The following NPIPB8 variants were observed in gnomAD, a reference collection of about 807,000 sequenced individuals.
The protein encoded by NPIPB8 is nuclear pore complex interacting protein family member B8, also known as nuclear pore complex-interacting protein family member B8.
Under a neutral mutation model 5.3 loss-of-function variants are expected in NPIPB8, and 3 were observed. The observed-to-expected ratio is 0.57, with a 90% CI of 0.26 to 1.47. The LOEUF (loss-of-function observed/expected upper bound fraction) is 1.47. NPIPB8 is among the 40% of genes most tolerant of loss of function. The probability of loss-of-function intolerance (pLI) is 0.13; values close to 1 mark genes in which losing one functional copy is unlikely to be tolerated. For missense variants in NPIPB8, 50 were observed against 50.2 expected, an observed-to-expected ratio of 1.00 and a Z score of 0.01; for synonymous variants, 18 against 23.0, an observed-to-expected ratio of 0.78 and a Z score of 0.62.
chr16:28,643,106 C>A (rs1322145659), intron 2 of NPIPB8, among the ~76,000 whole-genome samples: 1 of 151,222 alleles, frequency 6.6e-6, no homozygotes, highest in East Asian at 1.9e-4. Context: ...ACCCATCACA[C>A]ATGATGCTGC....
chr16:28,639,488 A>T (rs1294333102), intron 2 of NPIPB8, among the ~76,000 whole-genome samples: 1 of 115,802 alleles, frequency 8.6e-6, no homozygotes, highest in African/African-American at 3.4e-5. Flanking sequence ...ACAGAGTTTC[A>T]CTCTGTCCCC....
At position 28,651,438 on chromosome 16, in the gene NPIPB8, G is replaced by T. The variant is rs1256346507; in HGVS notation, c.304-519G>T. Among the ~76,000 whole-genome samples the T allele has an allele frequency of 1.8e-3, 42 of 23,886 alleles. 1 individual carries two copies. The highest frequency in any genetic ancestry group is 0.012 in the African/African-American group (38 of 3,144). The allele number at this position is 23,886 out of a possible 152,430, so 15.7% of individuals were successfully genotyped here. On this transcript the variant is annotated intron_variant, in intron 3 of 7. Transcript: ENST00000683297. Reference sequence around the variant, plus strand: ...GCCTCCTGACTAGCTGGGACTACAGGCATGCACCACCATGCCTGGCTAATT... The same window carrying T: ...GCCTCCTGACTAGCTGGGACTACAGTCATGCACCACCATGCCTGGCTAATT...
Position 28,639,873 on chromosome 16 carries a change from C to A in NPIPB8, c.120+1393C>A, listed in dbSNP as rs556700589. Among the ~76,000 whole-genome samples, 6 of 150,230 alleles carry A rather than the reference C, an allele frequency of 4.0e-5. No individual in the cohort carries two copies. The East Asian group carries it at 9.7e-4, about 24-fold the overall frequency. On this transcript the variant is annotated intron_variant, in intron 2 of 7. Coordinates refer to ENST00000683297, the MANE Select transcript of NPIPB8 (RefSeq NM_001310136.2). ...AAGAATACATATGCAAATAAGTTTA[C>A]TTTTATTTTTGGTAACACTTTACTG...
intron 2 of NPIPB8, among the ~76,000 whole-genome samples, chr16:28,642,325 C>A (rs981960798): frequency 6.6e-6 from 1 of 151,476 alleles, no homozygotes; most frequent in East Asian, 2.0e-4. Context: ...AGGCTGGTCT[C>A]GAACTCCTAA....
At chr16:28,639,990 C>T (rs1483567982) in intron 2 of NPIPB8, among the ~76,000 whole-genome samples, 2 of 151,328 alleles carry the variant, frequency 1.3e-5, no homozygotes, top group South Asian at 2.1e-4. Flanking sequence ...GGGTTCAATG[C>T]TCTACATGCA....
At chr16:28,653,786 A>G (rs1362187480) in intron 5 of NPIPB8, among the ~76,000 whole-genome samples, 3 of 103,026 alleles carry the variant, frequency 2.9e-5, no homozygotes, top group East Asian at 4.5e-4. Flanking sequence ...AGGCCAGGGT[A>G]TTTCCTGTCC....
chr16:28,640,647 G>T (rs2047880241), intron 2 of NPIPB8, among the ~76,000 whole-genome samples: 1 of 152,138 alleles, frequency 6.6e-6, no homozygotes, highest in Non-Finnish European at 1.5e-5. Flanking sequence ...GTGGGGAACT[G>T]ATGGGAAATG....
rs375120330 is a variant in NPIPB8, at chr16:28,652,322, G to T, written c.557G>T (p.Arg186Leu). 8.9e-6 allele frequency: 3 copies of T among 337,574 alleles called. No homozygotes were observed. The highest frequency in any genetic ancestry group is 9.7e-6 in the Non-Finnish European group (2 of 205,796). 20.9% of individuals were successfully genotyped at this position (337,574 alleles called of 1,614,324 possible). ...RKRKVTTKIN[R>L]HDKINGKRKT... ...AGGAAGGTGACAACGAAAATCAACC[G>T]TCATGACAAAATCAATGGAAAGAGG... is the stretch of plus-strand genomic sequence containing the variant. The change falls in exon 5 of 8, where the codon CGT becomes CTT. Residue 186 changes from arginine (R) to leucine (L), a missense_variant. Coordinates refer to ENST00000683297, the MANE Select transcript of NPIPB8 (RefSeq NM_001310136.2).
At chr16:28,651,049 A>T (rs1263979190) in intron 3 of NPIPB8, among the ~76,000 whole-genome samples, 1 of 63,940 alleles carries the variant, frequency 1.6e-5, no homozygotes, top group Non-Finnish European at 2.6e-5. Context: ...CAGTGGTGGG[A>T]TCTTGGCTCA....
At chr16:28,641,218 C>T (rs1337351886) in intron 2 of NPIPB8, among the ~76,000 whole-genome samples, 7 of 151,588 alleles carry the variant, frequency 4.6e-5, no homozygotes, top group Non-Finnish European at 8.8e-5. Flanking sequence ...CTCCATGAGG[C>T]CCCAGGTGTG....
At chr16:28,639,704 T>G (rs79537061) in intron 2 of NPIPB8, among the ~76,000 whole-genome samples, 2 of 128,758 alleles carry the variant, frequency 1.6e-5, no homozygotes, top group Admixed American at 1.5e-4. Context: ...CTGCCCACCG[T>G]GGCCTCCCAA....
intron 3 of NPIPB8, among the ~76,000 whole-genome samples, chr16:28,651,688 GGT>G (rs1405412307): frequency 1.1e-5 from 1 of 93,402 alleles, no homozygotes; most frequent in African/African-American, 5.6e-5. Context: ...GGAGTACAGT[GGT>G]GTGATCTCGG....
At chr16:28,644,208 T>C (rs2047954603) in intron 2 of NPIPB8, among the ~76,000 whole-genome samples, 1 of 85,762 alleles carries the variant, frequency 1.2e-5, no homozygotes, top group Non-Finnish European at 2.1e-5. Context: ...TTTGTCTCCC[T>C]CTCATTGCTC....
At position 28,640,934 on chromosome 16, in the gene NPIPB8, G is replaced by C. The variant is rs147918259; in HGVS notation, c.120+2454G>C. ...CAAGAGTAAAAATTCCAACATTTTA[G>C]TTCCTTTAAGTTAAATCCAGGCACT... On this transcript the variant is annotated intron_variant, in intron 2 of 7. Transcript: ENST00000683297. 1.7e-3 allele frequency among the ~76,000 whole-genome samples: 261 copies of C among 152,204 alleles called. 7 individuals carry two copies. Among genetic ancestry groups the C allele is most frequent in the Admixed American group, 0.012 (181 of 15,282 alleles).
At chr16:28,642,707 C>A (rs1318490358) in intron 2 of NPIPB8, among the ~76,000 whole-genome samples, 1 of 151,418 alleles carries the variant, frequency 6.6e-6, no homozygotes, top group African/African-American at 2.4e-5. Context: ...TGGTCTGGAA[C>A]TCCTGACCTT....
intron 2 of NPIPB8, among the ~76,000 whole-genome samples, chr16:28,640,234 A>G (rs1273418066): frequency 6.6e-6 from 1 of 151,940 alleles, no homozygotes; most frequent in African/African-American, 2.4e-5. Flanking sequence ...TGGGCTAGGT[A>G]TCACTGTAGG....
chr16:28,653,647 G>A (rs2048081807), intron 5 of NPIPB8, among the ~76,000 whole-genome samples: 1 of 85,096 alleles, frequency 1.2e-5, no homozygotes, highest in African/African-American at 6.5e-5. Context: ...AAAATATTTA[G>A]CAATGAATTG....
chr16:28,638,275 T>C (rs2047826707), intron 1 of NPIPB8, 48 bp from the exon 2 acceptor site: 21 of 1,535,272 alleles, frequency 1.4e-5, no homozygotes, highest in Non-Finnish European at 1.8e-5. Flanking sequence ...AAACATCACC[T>C]TGTTTTTCCA....
At chr16:28,639,750 G>T (rs565912937) in intron 2 of NPIPB8, among the ~76,000 whole-genome samples, 2 of 150,636 alleles carry the variant, frequency 1.3e-5, no homozygotes, top group East Asian at 3.9e-4. Context: ...GCTACACCCC[G>T]TCCAAGATAA....
Sources: gnomAD v4.1 joint callset for allele counts (sites outside exome capture counted in the v4.1 genomes callset) on GRCh38, gnomAD v4.1.1 for gene constraint, MANE v1.5 for transcripts, NCBI Gene and HGNC (gene_info 2026-07-23, HGNC 2026-07-21) for gene names.